Variants in ADD2 observed in about 807,000 individuals in gnomAD.
ADD2 encodes adducin 2, also known as beta-adducin.
Under a neutral mutation model 83.0 loss-of-function variants are expected in ADD2, and 23 were observed. The observed-to-expected ratio is 0.28, with a 90% CI of 0.20 to 0.39. ADD2 has a LOEUF of 0.39. Among genes scored for constraint, ADD2 ranks in the 10% least tolerant of loss-of-function variants. The probability of loss-of-function intolerance (pLI) is 1.00; values close to 1 mark genes in which losing one functional copy is unlikely to be tolerated. For synonymous variants in ADD2, 375 were observed against 375.4 expected, an observed-to-expected ratio of 1.00 and a Z score of 0.01; for missense variants, 758 against 944.9, an observed-to-expected ratio of 0.80 and a Z score of 2.59.
chr2:70,718,712 T>C (rs1553376836), intron 1 of ADD2, among the ~76,000 whole-genome samples: 1 of 152,116 alleles, frequency 6.6e-6, no homozygotes, highest in Non-Finnish European at 1.5e-5. Flanking sequence ...GGAGAGGAAA[T>C]TGAGGCTGCA....
At position 70,676,997 on chromosome 2, in the gene ADD2, G is replaced by T; in HGVS notation, c.1504-112C>A. ...CTAGAAAGGTCCTCTAGCGGTGTGG[G>T]AGCCCGTCACCTATCCTAATGCAAT... On this transcript the variant is annotated intron_variant, in intron 12 of 15. Transcript: ENST00000264436. The surrounding 1 kb of genome is among the most constrained non-coding windows in gnomAD (Gnocchi z 4.8). 1 of 1,479,034 alleles carries T rather than the reference G, an allele frequency of 6.8e-7. No homozygotes were observed. The highest frequency in any genetic ancestry group is 9.0e-7 in the Non-Finnish European group (1 of 1,110,362). 91.6% of individuals were successfully genotyped at this position (1,479,034 alleles called of 1,614,324 possible).
chr2:70,676,726 C>G lies in ADD2; in HGVS notation c.1593+70G>C. 1.2e-6 allele frequency: 2 copies of G among 1,604,552 alleles called. No individual in the cohort carries two copies. Among genetic ancestry groups the G allele is most frequent in the Non-Finnish European group, 1.7e-6 (2 of 1,174,918 alleles). ...ATGAGGACTCAGGGGTCCTGCAACC[C>G]AGCCCCAGGCACAGAAGACCCCGAA... On this transcript the variant is annotated intron_variant, in intron 13 of 15. Transcript: ENST00000264436. The surrounding 1 kb of genome is among the most constrained non-coding windows in gnomAD (Gnocchi z 4.8).
intron 11 of ADD2, among the ~76,000 whole-genome samples, chr2:70,678,101 T>C (rs192095501): frequency 2.6e-5 from 4 of 152,338 alleles, no homozygotes; most frequent in East Asian, 1.9e-4. Flanking sequence ...AAAGGTCGGC[T>C]ATAAAGAACA....
intron 10 of ADD2, among the ~76,000 whole-genome samples, chr2:70,679,696 T>C (rs1338671731): frequency 1.5e-5 from 2 of 131,224 alleles, no homozygotes; most frequent in East Asian, 4.9e-4. Context: ...TTAAGCAAAA[T>C]TAAAAAAAAT....
Position 70,704,337 on chromosome 2 carries a change from G to A in ADD2, c.306C>T (p.Phe102=). Residue 102 remains phenylalanine, a synonymous_variant, in exon 4 of 16, where the codon TTC becomes TTT. Coordinates refer to ENST00000264436, the MANE Select transcript of ADD2 (RefSeq NM_001617.4). The stretch of plus-strand genomic sequence containing the variant: ...ACCACATACTCATGGAAGATGTCGG[G>A]AAGACTGCGTGGGAGGTGCTGGCCA... ...DFMASTSHAV[F]PTSSMNVSMM... 1 of 1,613,428 alleles carries A rather than the reference G, an allele frequency of 6.2e-7. No individual in the cohort carries two copies.
At chr2:70,719,896 G>A (rs1672649448) in intron 1 of ADD2, among the ~76,000 whole-genome samples, 1 of 152,172 alleles carries the variant, frequency 6.6e-6, no homozygotes, top group Non-Finnish European at 1.5e-5. Flanking sequence ...TCAATAGGAA[G>A]GTGAAGTGTA....
At position 70,712,455 on chromosome 2, in the gene ADD2, AT is replaced by A. The variant is rs1558552132; in HGVS notation, c.-35+610del. Among the ~76,000 whole-genome samples the A allele has an allele frequency of 2.7e-3, 351 of 130,202 alleles. 11 individuals are homozygous for A. The highest frequency in any genetic ancestry group is 0.011 in the African/African-American group (320 of 29,336). 85.4% of individuals were successfully genotyped at this position (130,202 alleles called of 152,430 possible). A position where few individuals can be genotyped will look rare whatever the true frequency, so the allele number is the denominator to read the frequency against. ...GGAGACCCTGTCTCAAAAAAAATAA[AT>A]AAATAAAAAAAAAAAAAAAGAAACT... On this transcript the variant is annotated intron_variant, in intron 2 of 15. Coordinates refer to ENST00000264436, the MANE Select transcript of ADD2 (RefSeq NM_001617.4).
intron 1 of ADD2, among the ~76,000 whole-genome samples, chr2:70,754,987 C>T (rs550939583): frequency 3.5e-4 from 53 of 152,278 alleles, no homozygotes; most frequent in Non-Finnish European, 7.1e-4. Context: ...CCTCTAACTC[C>T]TCTGCCCTCT....
intron 1 of ADD2, among the ~76,000 whole-genome samples, chr2:70,742,411 T>A (rs77153674): frequency 0.013 from 2,008 of 152,198 alleles, 39 homozygotes; most frequent in African/African-American, 0.046. Flanking sequence ...CAGAACTAAG[T>A]TGTAGGTGTT....
chr2:70,766,291 C>T lies in ADD2; in HGVS notation c.-154+1595G>A, dbSNP rs926400290. Among the ~76,000 whole-genome samples, 7 of 152,254 alleles carry T rather than the reference C, an allele frequency of 4.6e-5. No individual in the cohort carries two copies. In the East Asian group the frequency reaches 7.7e-4, roughly 17 times the overall value. On this transcript the variant is annotated intron_variant, in intron 1 of 15. Coordinates refer to ENST00000264436, the MANE Select transcript of ADD2 (RefSeq NM_001617.4). Reference sequence around the variant, plus strand: ...AATGAAAACTTTGCTTTTACTTGTGCCCTATGCAGGGAGGAGTAGGGAAGA... The same window carrying T: ...AATGAAAACTTTGCTTTTACTTGTGTCCTATGCAGGGAGGAGTAGGGAAGA...
chr2:70,704,179 T>C, intron 4 of ADD2, 142 bp downstream of exon 4: 1 of 1,080,644 alleles, frequency 9.3e-7, no homozygotes, highest in East Asian at 2.7e-5. Flanking sequence ...TGGCTGCTGC[T>C]GAGCTCCCCA....
At chr2:70,697,179 G>C (rs1553372884) in intron 4 of ADD2, among the ~76,000 whole-genome samples, 1 of 152,230 alleles carries the variant, frequency 6.6e-6, no homozygotes, top group Non-Finnish European at 1.5e-5. Flanking sequence ...AGCCAGATCA[G>C]CCTGAAAGTA....
At position 70,672,865 on chromosome 2, in the gene ADD2, C is replaced by CA; in HGVS notation, c.1870+12dup. The CA allele has an allele frequency of 6.2e-7, 1 of 1,607,796 alleles. No homozygotes were observed. The highest frequency in any genetic ancestry group is 8.5e-7 in the Non-Finnish European group (1 of 1,177,776). Reference sequence around the variant, plus strand: ...CCCTCTCCCTCCCTCCCAGCCTACTCAGCTGGACTCACCCTCTAAAGACTT... The same window carrying CA: ...CCCTCTCCCTCCCTCCCAGCCTACTCAAGCTGGACTCACCCTCTAAAGACTT... On this transcript the variant is annotated intron_variant, in intron 15 of 15. Coordinates refer to ENST00000264436, the MANE Select transcript of ADD2 (RefSeq NM_001617.4).
At chr2:70,727,660 T>C (rs1489146040) in intron 1 of ADD2, among the ~76,000 whole-genome samples, 8 of 152,068 alleles carry the variant, frequency 5.3e-5, no homozygotes, top group African/African-American at 1.9e-4. Context: ...TTTAGGAGGC[T>C]GAGGTGGGCA....
intron 15 of ADD2, 34 bp from the exon 16 acceptor site, chr2:70,663,769 T>A (rs372756589): frequency 2.5e-5 from 39 of 1,584,868 alleles, no homozygotes; most frequent in Middle Eastern, 3.4e-4. Flanking sequence ...ACCTGTAAGA[T>A]TTCATTCAGG....
intron 4 of ADD2, 58 bp downstream of exon 4, chr2:70,704,263 T>TGCCCCCCCCCCCCCCCCCCAC: frequency 1.1e-6 from 1 of 913,238 alleles, no homozygotes; most frequent in Non-Finnish European, 1.7e-6. Context: ...CTCCCTCTCT[T>TGCCCCCCCCCCCCCCCCCCAC]CCCCACCCCA....
chr2:70,709,946 CCA>C (rs1208950523), intron 2 of ADD2, among the ~76,000 whole-genome samples: 1 of 152,204 alleles, frequency 6.6e-6, no homozygotes, highest in Non-Finnish European at 1.5e-5. Flanking sequence ...TGCATCAGAG[CCA>C]CACAGACATG....
intron 15 of ADD2, among the ~76,000 whole-genome samples, chr2:70,670,144 C>T (rs1669840683): frequency 6.6e-6 from 1 of 152,228 alleles, no homozygotes; most frequent in Non-Finnish European, 1.5e-5. Flanking sequence ...AATATTATTG[C>T]TGCATCACAA....
rs782751119 is a variant in ADD2 at position 70,706,281 on chromosome 2, T to C, written c.128A>G (p.Gln43Arg). ...RLRNRAADLRQDFNLMEQKKR... is the reference protein window; with the variant it reads ...RLRNRAADLRRDFNLMEQKKR... ...CTTCTGCTCCATCAGGTTGAAGTCC[T>C]GCCGCAGGTCCGCCGCCCGGTTGCG... The change falls in exon 3 of 16, where the codon CAG becomes CGG. Residue 43 changes from glutamine to arginine, a missense_variant. Physicochemically the swap from Gln to Arg is conservative, Grantham distance 43. Transcript: ENST00000264436. This position sits in a 1 kb window ranked among gnomAD's most constrained non-coding sequence, Gnocchi z 5.0. 3.1e-6 allele frequency: 5 copies of C among 1,614,110 alleles called. No homozygotes were observed. The highest frequency in any genetic ancestry group is 2.2e-5 in the East Asian group (1 of 44,876).
Sources: gnomAD v4.1 joint callset for allele counts (sites outside exome capture counted in the v4.1 genomes callset) on GRCh38, gnomAD v4.1.1 for gene constraint, Gnocchi (gnomAD v3.1) non-coding constraint, MANE v1.5 for transcripts, NCBI Gene and HGNC (gene_info 2026-07-23, HGNC 2026-07-21) for gene names.